Variants in PCDHA2 observed in about 807,000 individuals in gnomAD.
PCDHA2 encodes protocadherin alpha 2.
A neutral mutation model predicts 66.0 loss-of-function variants in PCDHA2; 58 were observed. That is an observed-to-expected ratio of 0.88 (90% CI 0.71 to 1.09). The LOEUF (loss-of-function observed/expected upper bound fraction) is 1.09, where lower values mean the gene tolerates loss of function less well. Ranked by LOEUF, PCDHA2 falls within the 50% of genes least tolerant of loss-of-function variation. The pLI, the probability that PCDHA2 is intolerant of heterozygous loss-of-function variation, is 0.00. For synonymous variants in PCDHA2, 634 were observed against 554.0 expected (o/e 1.14, Z -2.03); for missense variants, 1,267 against 1,242.3 (o/e 1.02, Z -0.30).
intron 1 of PCDHA2, among the ~76,000 whole-genome samples, chr5:140,934,109 A>G (rs2089636629): frequency 6.6e-6 from 1 of 151,948 alleles, no homozygotes; most frequent in Non-Finnish European, 1.5e-5. Flanking sequence ...CTATTTTATT[A>G]ATTTTCATAC....
intron 1 of PCDHA2, among the ~76,000 whole-genome samples, chr5:140,956,241 T>G (rs1396335938): frequency 1.3e-5 from 2 of 152,204 alleles, no homozygotes; most frequent in African/African-American, 4.8e-5. Context: ...TCAAGGGGAA[T>G]GCTTCCAGGT....
intron 1 of PCDHA2, chr5:140,823,294 G>A (rs2150124401): frequency 2.5e-6 from 4 of 1,612,490 alleles, no homozygotes; most frequent in South Asian, 2.2e-5. Flanking sequence ...GTCGAGTTAC[G>A]TTTCGGTGCA....
At chr5:140,823,742 C>A (rs1767853747) in intron 1 of PCDHA2, 5 of 1,613,716 alleles carry the variant, frequency 3.1e-6, no homozygotes, top group East Asian at 2.2e-5. Flanking sequence ...CATGGAGAGC[C>A]CCCGCTGACA....
At chr5:140,857,011 T>G in intron 1 of PCDHA2, 1 of 1,596,152 alleles carries the variant, frequency 6.3e-7, no homozygotes, top group Non-Finnish European at 8.6e-7. Flanking sequence ...ATGTAGATGT[T>G]ACAGATAAGG....
Position 140,797,061 on chromosome 5 carries a change from C to T in PCDHA2, c.2097C>T (p.Tyr699=), listed in dbSNP as rs1554120281. 1.2e-6 allele frequency: 2 copies of T among 1,613,844 alleles called. No individual in the cohort carries two copies. Among genetic ancestry groups the T allele is most frequent in the Admixed American group, 1.7e-5 (1 of 60,034 alleles). ...CTACGCTGGTGGATGTCAACGTGTA[C>T]CTGATCATCGCCATCTGCGCGGTAT... ...SEATLVDVNV[Y]LIIAICAVSS... is the part of the protein sequence containing the mutation. The change falls in exon 1 of 4, where the codon TAC becomes TAT. Residue 699 remains tyrosine, a synonymous_variant. Coordinates refer to ENST00000526136, the MANE Select transcript of PCDHA2 (RefSeq NM_018905.3).
intron 1 of PCDHA2, among the ~76,000 whole-genome samples, chr5:140,964,685 A>G (rs1209867922): frequency 1.3e-5 from 2 of 152,036 alleles, no homozygotes; most frequent in African/African-American, 4.8e-5. Context: ...CAATTTGTGC[A>G]CTTGAGAGAT....
At chr5:140,936,875 C>T (rs1052156307) in intron 1 of PCDHA2, among the ~76,000 whole-genome samples, 13 of 151,832 alleles carry the variant, frequency 8.6e-5, no homozygotes, top group Non-Finnish European at 1.5e-5. Flanking sequence ...TTTAAAAAAC[C>T]CTGCTTTGAT....
At chr5:140,822,546 G>T (rs1474928230) in intron 1 of PCDHA2, 1 of 1,613,608 alleles carries the variant, frequency 6.2e-7, no homozygotes, top group Non-Finnish European at 8.5e-7. Context: ...CACCAAGTGG[G>T]ACATTAGTTA....
chr5:140,826,656 C>T (rs1769003622), intron 1 of PCDHA2, among the ~76,000 whole-genome samples: 1 of 151,930 alleles, frequency 6.6e-6, no homozygotes, highest in East Asian at 1.9e-4. Context: ...AACATTTTTG[C>T]AAGTAAATTG....
chr5:140,824,752 G>A (rs1768348578), intron 1 of PCDHA2: 1 of 150,996 alleles, frequency 6.6e-6, no homozygotes, highest in African/African-American at 2.4e-5. Context: ...GAGCAAGAGT[G>A]CCTGGCCTAT....
At chr5:140,959,412 A>G (rs2153722176) in intron 1 of PCDHA2, among the ~76,000 whole-genome samples, 1 of 152,256 alleles carries the variant, frequency 6.6e-6, no homozygotes, top group African/African-American at 2.4e-5. Context: ...GTGTTGATTG[A>G]TCTGAGAATT....
chr5:140,849,102 G>A, intron 1 of PCDHA2: 1 of 1,468,874 alleles, frequency 6.8e-7, no homozygotes, highest in Non-Finnish European at 9.2e-7. Context: ...TTTAGACAGA[G>A]AAGAAACTCC....
At chr5:140,856,346 G>T in intron 1 of PCDHA2, 1 of 1,598,632 alleles carries the variant, frequency 6.3e-7, no homozygotes, top group Non-Finnish European at 8.6e-7. Context: ...GCGGAGCGTG[G>T]AGTGCAGCAT....
At chr5:140,806,990 G>C in intron 1 of PCDHA2, 1 of 663,806 alleles carries the variant, frequency 1.5e-6, no homozygotes, top group Non-Finnish European at 2.5e-6. Context: ...GGAGCCACAT[G>C]ATGTCGCTCT....
chr5:140,836,110 C>T, intron 1 of PCDHA2: 1 of 1,613,694 alleles, frequency 6.2e-7, no homozygotes, highest in Non-Finnish European at 8.5e-7. Flanking sequence ...ACTGGTGGCG[C>T]AGTGAGAGAG....
chr5:140,992,017 CTGTGTGTGTGTG>C (rs10602499), intron 3 of PCDHA2, among the ~76,000 whole-genome samples: 3 of 145,512 alleles, frequency 2.1e-5, no homozygotes, highest in South Asian at 2.2e-4. Flanking sequence ...AGAGGTGGCT[CTGTGTGTGTGTG>C]TGTGTGTGTG....
At position 140,795,815 on chromosome 5, in the gene PCDHA2, A is replaced by G. The variant is rs1761998709; in HGVS notation, c.851A>G (p.Asp284Gly). The change falls in exon 1 of 4, where the codon GAT becomes GGT. Residue 284 changes from aspartate to glycine, a missense_variant. By Grantham distance (94) the Asp-to-Gly change is moderately conservative. Transcript: ENST00000526136. Reference protein sequence around the residue: ...NSEIVYSLGSDVSSTIQTKFT... With the variant: ...NSEIVYSLGSGVSSTIQTKFT... ...GAGATTGTGTATTCACTCGGTAGTG[A>G]TGTGTCCTCCACTATACAGACTAAG... is the stretch of plus-strand genomic sequence containing the variant. 1 of 1,613,258 alleles carries G rather than the reference A, an allele frequency of 6.2e-7. No individual in the cohort carries two copies. Among genetic ancestry groups the G allele is most frequent in the Non-Finnish European group, 8.5e-7 (1 of 1,179,406 alleles).
chr5:140,930,098 A>G (rs1345846320), intron 1 of PCDHA2: 1 of 152,124 alleles, frequency 6.6e-6, no homozygotes, highest in Non-Finnish European at 1.5e-5. Flanking sequence ...ATTTATACTG[A>G]TAGGAGATCA....
rs782316579 is a variant in PCDHA2 at position 140,796,592 on chromosome 5, C to A, written c.1628C>A (p.Pro543Gln). 5.6e-6 allele frequency: 9 copies of A among 1,613,432 alleles called. No homozygotes were observed. Among genetic ancestry groups the A allele is most frequent in the East Asian group, 2.2e-5 (1 of 44,850 alleles). The stretch of plus-strand genomic sequence containing the variant: ...GTGAGCGCGCGGGATGCGGGCGTGC[C>A]GCCTCTGGGCAGCAACGTGACGCTG... ...FQVSARDAGV[P>Q]PLGSNVTLQV... The change falls in exon 1 of 4, where the codon CCG becomes CAG. Residue 543 changes from proline to glutamine, a missense_variant. Transcript: ENST00000526136.
Sources: gnomAD v4.1 joint callset for allele counts (sites outside exome capture counted in the v4.1 genomes callset) on GRCh38, gnomAD v4.1.1 for gene constraint, MANE v1.5 for transcripts, NCBI Gene and HGNC (gene_info 2026-07-23, HGNC 2026-07-21) for gene names.